CHIA: variants seen among roughly 807,000 people sequenced by gnomAD.
The protein encoded by CHIA is acidic mammalian chitinase.
Under a neutral mutation model 53.5 loss-of-function variants are expected in CHIA, and 47 were observed. The observed-to-expected ratio is 0.88, with a 90% confidence interval of 0.70 to 1.12. The LOEUF is 1.12. Among genes scored for constraint, CHIA ranks in the 50% most tolerant of loss-of-function variants. The probability of loss-of-function intolerance (pLI) is 0.00; values close to 1 mark genes in which losing one functional copy is unlikely to be tolerated. For missense variants in CHIA, 652 were observed against 592.2 expected (o/e 1.10, Z -1.05); for synonymous variants, 268 against 222.2 (o/e 1.21, Z -1.83).
chr1:111,297,828 C>T (rs1222147766), intron 1 of CHIA, among the ~76,000 whole-genome samples: 1 of 144,428 alleles, frequency 6.9e-6, no homozygotes, highest in Non-Finnish European at 1.5e-5. Context: ...ATCAGGAGAC[C>T]CATCTCATGT....
At chr1:111,310,536 C>T in intron 2 of CHIA, 44 bp downstream of exon 2, 11 of 1,613,664 alleles carry the variant, frequency 6.8e-6, no homozygotes, top group Non-Finnish European at 9.3e-6. Flanking sequence ...TATCTAGTTT[C>T]TTTTTCTCTC....
chr1:111,290,990 TC>T, intron 1 of CHIA, 40 bp downstream of exon 1: 1 of 381,694 alleles, frequency 2.6e-6, no homozygotes, highest in East Asian at 8.6e-5. Context: ...CTTCTCCCTT[TC>T]CCATTGCAAT....
At chr1:111,319,916 C>T (rs1365994635) in intron 11 of CHIA, among the ~76,000 whole-genome samples, 1 of 152,142 alleles carries the variant, frequency 6.6e-6, no homozygotes, top group Non-Finnish European at 1.5e-5. Flanking sequence ...ACCATTTATG[C>T]CCAGATTCTA....
chr1:111,305,181 C>G (rs1312322836), intron 1 of CHIA, among the ~76,000 whole-genome samples: 1 of 152,152 alleles, frequency 6.6e-6, no homozygotes, highest in African/African-American at 2.4e-5. Context: ...TATGCAGTGA[C>G]TTTCTAATTC....
At chr1:111,318,412 C>G (rs1175446773) in intron 8 of CHIA, 81 bp from the exon 9 acceptor site, 1 of 1,200,608 alleles carries the variant, frequency 8.3e-7, no homozygotes, top group African/African-American at 1.5e-5. Flanking sequence ...AGAGTTTTAC[C>G]TGTCGGAATA....
At chr1:111,295,274 A>T (rs1661269749) in intron 1 of CHIA, among the ~76,000 whole-genome samples, 1 of 152,152 alleles carries the variant, frequency 6.6e-6, no homozygotes, top group South Asian at 2.1e-4. Flanking sequence ...TCAACTTCCC[A>T]GGCTCAAGTG....
chr1:111,308,773 T>C (rs1461743802), intron 1 of CHIA, among the ~76,000 whole-genome samples: 2 of 152,218 alleles, frequency 1.3e-5, no homozygotes, highest in African/African-American at 4.8e-5. Flanking sequence ...CCCCTCCCCA[T>C]AGAAAGACTT....
chr1:111,310,461 T>G lies in CHIA; in HGVS notation c.-7T>G. On this transcript the variant is annotated 5_prime_UTR_variant, in exon 2 of 12. Coordinates refer to ENST00000369740, the MANE Select transcript of CHIA (RefSeq NM_201653.4). Reference sequence around the variant, plus strand: ...AAAGCTCTGCGGGACTGGTGCTGACTGCAACCATGACAAAGCTTATTCTCC... The same window carrying G: ...AAAGCTCTGCGGGACTGGTGCTGACGGCAACCATGACAAAGCTTATTCTCC... 5 of 1,614,222 alleles carry G rather than the reference T, an allele frequency of 3.1e-6. No homozygotes were observed. The highest frequency in any genetic ancestry group is 4.2e-6 in the Non-Finnish European group (5 of 1,180,032).
chr1:111,310,709 A>T (rs145940610), intron 2 of CHIA, among the ~76,000 whole-genome samples: 67 of 152,290 alleles, frequency 4.4e-4, no homozygotes, highest in African/African-American at 1.5e-3. Context: ...GCTTTTGTTA[A>T]TCCCATGGAC....
At position 111,312,326 on chromosome 1, in the gene CHIA, C is replaced by A; in HGVS notation, c.192C>A (p.Asn64Lys). 6.2e-7 allele frequency: 1 copy of A among 1,614,130 alleles called. No individual in the cohort carries two copies. The highest frequency in any genetic ancestry group is 2.2e-5 in the East Asian group (1 of 44,888). Reference protein sequence around the residue: ...LIYAFAGRQNNEITTIEWNDV... With the variant: ...LIYAFAGRQNKEITTIEWNDV... The stretch of plus-strand genomic sequence containing the variant: ...ACGCCTTTGCTGGGAGGCAGAACAA[C>A]GAGATCACCACCATCGAATGGAATG... The change falls in exon 4 of 12, where the codon AAC (asparagine) becomes AAA (lysine). Residue 64 changes from asparagine to lysine, a missense_variant. Physicochemically the swap from Asn to Lys is moderately conservative, Grantham distance 94 (BLOSUM62 0). Coordinates refer to ENST00000369740, the MANE Select transcript of CHIA (RefSeq NM_201653.4).
Position 111,317,995 on chromosome 1 carries a change from C to G in CHIA, c.615C>G (p.Asp205Glu). 6.2e-7 allele frequency: 1 copy of G among 1,614,158 alleles called. No homozygotes were observed. The highest frequency in any genetic ancestry group is 8.5e-7 in the Non-Finnish European group (1 of 1,180,024). ...CTCCACCCCACCTCAGGTACCTGGA[C>G]TACATCCATGTCATGACCTACGACC... ...YEIPQLSQYL[D>E]YIHVMTYDLH... Residue 205 changes from aspartate (D) to glutamate (E), a missense_variant, in exon 8 of 12, where the codon GAC becomes GAG. Transcript: ENST00000369740.
chr1:111,291,684 T>TA (rs1000427008), intron 1 of CHIA, among the ~76,000 whole-genome samples: 4 of 151,476 alleles, frequency 2.6e-5, no homozygotes, highest in African/African-American at 7.3e-5. Flanking sequence ...AAATTTTTTT[T>TA]AAAAAGGGGG....
At chr1:111,314,401 G>C in intron 4 of CHIA, 139 bp from the exon 5 acceptor site, 1 of 579,766 alleles carries the variant, frequency 1.7e-6, no homozygotes, top group Non-Finnish European at 3.1e-6. Flanking sequence ...TATAAAGGAA[G>C]TTTTCAGTAG....
Position 111,292,556 on chromosome 1 carries a change from T to C in CHIA, c.-69+1606T>C, listed in dbSNP as rs1258837334. Among the ~76,000 whole-genome samples, 11 of 152,226 alleles carry C rather than the reference T, an allele frequency of 7.2e-5. 1 individual carries two copies. The highest frequency in any genetic ancestry group is 3.9e-4 in the Admixed American group (6 of 15,284). ...CCAGTCTCCGTTATCTTTTTTTCCA[T>C]GTTTTAAAAATGTTTTTCTTGTGGT... is the stretch of plus-strand genomic sequence containing the variant. On this transcript the variant is annotated intron_variant, in intron 1 of 11. Coordinates refer to ENST00000369740, the MANE Select transcript of CHIA (RefSeq NM_201653.4).
chr1:111,298,087 C>T (rs1020070441), intron 1 of CHIA, among the ~76,000 whole-genome samples: 4 of 152,106 alleles, frequency 2.6e-5, no homozygotes, highest in Admixed American at 6.6e-5. Flanking sequence ...CACTCAGATT[C>T]ATAAAGCAAG....
chr1:111,315,095 C>A, intron 5 of CHIA, 175 bp from the exon 6 acceptor site: 1 of 594,438 alleles, frequency 1.7e-6, no homozygotes, highest in Non-Finnish European at 3.0e-6. Context: ...GTTAAGATAC[C>A]ATGGCTGGGA....
chr1:111,297,901 C>CAGAAAAAAAAA (rs1647315938), intron 1 of CHIA, among the ~76,000 whole-genome samples: 1 of 31,854 alleles, frequency 3.1e-5, no homozygotes, highest in Non-Finnish European at 5.0e-5. Flanking sequence ...AAATGGAAAG[C>CAGAAAAAAAAA]AAAAAAAAAA....
At chr1:111,306,340 C>T (rs1648186417) in intron 1 of CHIA, among the ~76,000 whole-genome samples, 1 of 152,090 alleles carries the variant, frequency 6.6e-6, no homozygotes, top group Admixed American at 6.5e-5. Flanking sequence ...GTAGAAATGG[C>T]ATTTCAAATT....
chr1:111,320,058 T>C (rs1394612146), intron 11 of CHIA, among the ~76,000 whole-genome samples, 155 bp from the exon 12 acceptor site: 1 of 152,210 alleles, frequency 6.6e-6, no homozygotes, highest in Non-Finnish European at 1.5e-5. Context: ...ATTTATCTCC[T>C]GAATATGGAG....
Sources: gnomAD v4.1 joint callset for allele counts (sites outside exome capture counted in the v4.1 genomes callset) on GRCh38, gnomAD v4.1.1 for gene constraint, MANE v1.5 for transcripts, NCBI Gene and HGNC (gene_info 2026-07-23, HGNC 2026-07-21) for gene names.